HECW2: variants seen among roughly 807,000 people sequenced by gnomAD.
HECW2 encodes E3 ubiquitin-protein ligase HECW2.
A neutral mutation model predicts 175.2 loss-of-function variants in HECW2; 61 were observed. The ratio of observed to expected loss-of-function variants is 0.35; its 90% CI spans 0.28 to 0.43. The LOEUF is 0.43. Ranked by LOEUF, HECW2 falls within the 20% of genes least tolerant of loss-of-function variation. HECW2 has a pLI of 1.00. For synonymous variants in HECW2, 671 were observed against 731.0 expected (o/e 0.92, Z 1.32); for missense variants, 1,524 against 2,000.5 (o/e 0.76, Z 4.54).
intron 16 of HECW2, among the ~76,000 whole-genome samples, chr2:196,272,706 C>A (rs960559826): frequency 1.3e-5 from 2 of 152,062 alleles, no homozygotes; most frequent in Non-Finnish European, 2.9e-5. Flanking sequence ...AAATGGAATA[C>A]CATTGTCAAC....
intron 15 of HECW2, among the ~76,000 whole-genome samples, chr2:196,277,697 C>T (rs1326189318): frequency 5.9e-5 from 9 of 152,036 alleles, no homozygotes; most frequent in African/African-American, 1.9e-4. Context: ...TGTGGCACTA[C>T]TCACAATAGC....
At chr2:196,292,334 A>G in intron 14 of HECW2, 1 of 457,902 alleles carries the variant, frequency 2.2e-6, no homozygotes, top group Non-Finnish European at 3.9e-6. Flanking sequence ...GGGAGAAGTG[A>G]ATGCTTTGCC....
chr2:196,480,876 T>C (rs1055829064), intron 1 of HECW2, among the ~76,000 whole-genome samples: 2 of 152,244 alleles, frequency 1.3e-5, no homozygotes, highest in African/African-American at 2.4e-5. Context: ...ACTGAGTTAC[T>C]GTACATGAGA....
intron 1 of HECW2, among the ~76,000 whole-genome samples, chr2:196,433,834 T>C (rs146788098): frequency 1.3e-5 from 2 of 152,330 alleles, no homozygotes; most frequent in East Asian, 3.9e-4. Flanking sequence ...TATTTGCTGC[T>C]GCAATGAAAT....
At chr2:196,500,010 T>C (rs1435606179) in intron 1 of HECW2, among the ~76,000 whole-genome samples, 2 of 152,110 alleles carry the variant, frequency 1.3e-5, no homozygotes, top group South Asian at 2.1e-4. Context: ...GAATAATGAG[T>C]CTTGGATTCT....
chr2:196,319,536 G>A lies in HECW2; in HGVS notation c.1354C>T (p.Pro452Ser). 6.2e-7 allele frequency: 1 copy of A among 1,614,198 alleles called. No individual in the cohort carries two copies. The highest frequency in any genetic ancestry group is 8.5e-7 in the Non-Finnish European group (1 of 1,180,036). The change falls in exon 9 of 29, where the codon CCC (proline) becomes TCC (serine). Residue 452 changes from proline (P) to serine (S), a missense_variant. By Grantham distance (74) the Pro-to-Ser change is moderately conservative. Transcript: ENST00000644978. ...ATGGCATTGAGTCTTGTGTCAGTGG[G>A]AAAACTACTCCTCAGTTTCGGAGAG... ...GASPKLRSSFPTDTRLNAMLH... is the reference protein window; with the variant it reads ...GASPKLRSSFSTDTRLNAMLH...
chr2:196,412,520 A>G (rs1695142597), intron 2 of HECW2, among the ~76,000 whole-genome samples: 1 of 152,232 alleles, frequency 6.6e-6, no homozygotes, highest in Non-Finnish European at 1.5e-5. Context: ...CAAAGAGTTT[A>G]TCATCCCATT....
At chr2:196,344,291 G>C (rs1197416951) in intron 2 of HECW2, among the ~76,000 whole-genome samples, 1 of 77,588 alleles carries the variant, frequency 1.3e-5, no homozygotes, top group African/African-American at 5.1e-5. Context: ...CTTTGCAAAA[G>C]ACCAAAGGCA....
At chr2:196,249,185 T>C (rs1688768556) in intron 19 of HECW2, among the ~76,000 whole-genome samples, 1 of 152,234 alleles carries the variant, frequency 6.6e-6, no homozygotes, top group Non-Finnish European at 1.5e-5. Flanking sequence ...TAGGTGTTAT[T>C]GCATTTAATT....
intron 13 of HECW2, among the ~76,000 whole-genome samples, chr2:196,299,714 G>A (rs1477890582): frequency 6.6e-6 from 1 of 152,276 alleles, no homozygotes. Context: ...CGGATCATGA[G>A]GTCAGGAGAT....
chr2:196,283,744 C>A (rs1031865766), intron 14 of HECW2, among the ~76,000 whole-genome samples: 2 of 152,126 alleles, frequency 1.3e-5, no homozygotes, highest in Non-Finnish European at 2.9e-5. Context: ...CAAATCAAAT[C>A]CCACTGGAAA....
At chr2:196,351,012 T>C (rs1342035147) in intron 2 of HECW2, among the ~76,000 whole-genome samples, 3 of 152,220 alleles carry the variant, frequency 2.0e-5, no homozygotes, top group Non-Finnish European at 2.9e-5. Context: ...TTCACATTTT[T>C]GGTTCTATGA....
chr2:196,221,103 C>T (rs930902306), intron 24 of HECW2, among the ~76,000 whole-genome samples, 162 bp from the exon 25 acceptor site: 6 of 152,168 alleles, frequency 3.9e-5, no homozygotes, highest in Admixed American at 6.5e-5. Flanking sequence ...GGAGCACACA[C>T]ACTCAGGAAA....
rs1686650847 is a variant in HECW2, at chr2:196,195,302, T to A, written c.*5975A>T. 6.6e-6 allele frequency: 1 copy of A among 152,192 alleles called. No individual in the cohort carries two copies. Among genetic ancestry groups the A allele is most frequent in the South Asian group, 2.1e-4 (1 of 4,832 alleles). The allele number at this position is 152,192 out of a possible 1,614,324, so 9.4% of individuals were successfully genotyped here. On this transcript the variant is annotated 3_prime_UTR_variant, in exon 29 of 29. Transcript: ENST00000644978. ...TCAGTAATAGCTGATTCAGTTTGAATCACACAACACGGCTATCCACACTCC... is the reference window on the plus strand; with the variant it reads ...TCAGTAATAGCTGATTCAGTTTGAAACACACAACACGGCTATCCACACTCC...
intron 14 of HECW2, chr2:196,288,625 A>G (rs530771892): frequency 7.9e-5 from 12 of 152,352 alleles, no homozygotes; most frequent in Admixed American, 6.5e-4. Context: ...GTAAAGATTC[A>G]TCAATTAACA....
intron 15 of HECW2, among the ~76,000 whole-genome samples, chr2:196,276,320 T>G (rs1451258178): frequency 6.6e-6 from 1 of 152,218 alleles, no homozygotes; most frequent in Non-Finnish European, 1.5e-5. Context: ...CTGCTCAGTT[T>G]CCAGCCATAG....
chr2:196,437,073 G>A (rs1408145422), intron 1 of HECW2, among the ~76,000 whole-genome samples: 2 of 152,024 alleles, frequency 1.3e-5, no homozygotes, highest in African/African-American at 4.8e-5. Flanking sequence ...TTTCAGATGA[G>A]GAAACTGAGA....
intron 1 of HECW2, among the ~76,000 whole-genome samples, chr2:196,491,287 C>T (rs1056559923): frequency 6.6e-6 from 1 of 151,348 alleles, no homozygotes; most frequent in Non-Finnish European, 1.5e-5. Flanking sequence ...TCAGATGGAT[C>T]ACTTGAGGCC....
chr2:196,507,080 T>C (rs1198861977), intron 1 of HECW2, among the ~76,000 whole-genome samples: 3 of 151,890 alleles, frequency 2.0e-5, no homozygotes, highest in Non-Finnish European at 4.4e-5. Flanking sequence ...GGCTCAACAT[T>C]GGAAAATCTA....
Sources: allele counts gnomAD v4.1 joint callset (sites outside exome capture counted in the v4.1 genomes callset), GRCh38; gene constraint gnomAD v4.1.1; transcripts MANE v1.5; gene names NCBI Gene and HGNC (gene_info 2026-07-23, HGNC 2026-07-21).